ROBO2: variants seen among roughly 807,000 people sequenced by gnomAD.
ROBO2 encodes roundabout homolog 2.
A neutral mutation model predicts 160.8 loss-of-function variants in ROBO2; 53 were observed. The observed-to-expected ratio is 0.33, with a 90% CI of 0.26 to 0.41. ROBO2 has a LOEUF of 0.41. Ranked by LOEUF, ROBO2 falls within the 10% of genes least tolerant of loss-of-function variation. The pLI, the probability that ROBO2 is intolerant of heterozygous loss-of-function variation, is 1.00. For synonymous variants in ROBO2, 664 were observed against 611.7 expected (o/e 1.09, Z -1.26); for missense variants, 1,577 against 1,722.4 (o/e 0.92, Z 1.49).
chr3:77,303,530 T>C (rs1172939726), intron 2 of ROBO2, among the ~76,000 whole-genome samples: 1 of 152,154 alleles, frequency 6.6e-6, no homozygotes, highest in Non-Finnish European at 1.5e-5. Flanking sequence ...TGTGGACTTA[T>C]GAAATAATAT....
intron 2 of ROBO2, among the ~76,000 whole-genome samples, chr3:77,322,639 T>G (rs1434690280): frequency 1.3e-5 from 2 of 150,916 alleles, no homozygotes; most frequent in Admixed American, 6.7e-5. Flanking sequence ...TATCCACACT[T>G]GGTTGGATGG....
At chr3:76,898,972 A>C (rs990149323) in intron 2 of ROBO2, among the ~76,000 whole-genome samples, 1 of 152,170 alleles carries the variant, frequency 6.6e-6, no homozygotes, top group Non-Finnish European at 1.5e-5. Flanking sequence ...TTTATGTGAC[A>C]GTGGAGAAGA....
At chr3:76,987,729 A>AT (rs1232668795) in intron 2 of ROBO2, among the ~76,000 whole-genome samples, 3 of 152,238 alleles carry the variant, frequency 2.0e-5, no homozygotes, top group Non-Finnish European at 4.4e-5. Context: ...GTTCTCATAG[A>AT]TTTTTTGTAC....
chr3:76,634,598 A>G (rs1452752183), intron 2 of ROBO2, among the ~76,000 whole-genome samples: 1 of 150,954 alleles, frequency 6.6e-6, no homozygotes, highest in East Asian at 1.9e-4. Context: ...GACATCAGTC[A>G]GATTGAATTA....
chr3:77,365,766 A>T (rs943482263), intron 2 of ROBO2, among the ~76,000 whole-genome samples: 1 of 152,264 alleles, frequency 6.6e-6, no homozygotes, highest in South Asian at 2.1e-4. Context: ...CTCTCATGGT[A>T]TAGCCCAGAG....
intron 2 of ROBO2, among the ~76,000 whole-genome samples, chr3:76,837,030 A>G (rs1307098099): frequency 2.6e-5 from 4 of 151,970 alleles, no homozygotes; most frequent in Admixed American, 2.0e-4. Context: ...ATTATATATT[A>G]TGTTATATGA....
At chr3:75,964,097 A>G (rs1448777795) in intron 2 of ROBO2, among the ~76,000 whole-genome samples, 2 of 151,780 alleles carry the variant, frequency 1.3e-5, no homozygotes, top group Non-Finnish European at 2.9e-5. Flanking sequence ...CTCAGAAGAG[A>G]TAATTCACTT....
At chr3:76,715,108 A>ATAAT (rs1321384079) in intron 2 of ROBO2, among the ~76,000 whole-genome samples, 1 of 152,172 alleles carries the variant, frequency 6.6e-6, no homozygotes, top group African/African-American at 2.4e-5. Flanking sequence ...TTTCCAAACT[A>ATAAT]TAATTAGACA....
chr3:76,441,261 A>G (rs1399139023), intron 2 of ROBO2, among the ~76,000 whole-genome samples: 1 of 152,220 alleles, frequency 6.6e-6, no homozygotes, highest in African/African-American at 2.4e-5. Flanking sequence ...TAAGAAGCCT[A>G]GAATGTCTGT....
chr3:77,072,302 A>G (rs546431869), intron 1 of ROBO2, among the ~76,000 whole-genome samples: 16 of 152,266 alleles, frequency 1.1e-4, no homozygotes, highest in African/African-American at 3.6e-4. Flanking sequence ...ATTTCATTAT[A>G]TATTACAATG....
chr3:77,384,000 A>G (rs1234876419), intron 2 of ROBO2, among the ~76,000 whole-genome samples: 1 of 152,168 alleles, frequency 6.6e-6, no homozygotes, highest in Non-Finnish European at 1.5e-5. Flanking sequence ...GTACTTTAGA[A>G]AGAGTTTACT....
chr3:76,006,048 C>T (rs1055213989), intron 2 of ROBO2, among the ~76,000 whole-genome samples: 3 of 152,112 alleles, frequency 2.0e-5, no homozygotes, highest in Admixed American at 6.6e-5. Context: ...TTTGGTTGCA[C>T]TCTGATTTTT....
chr3:76,587,321 C>A (rs6774332), intron 2 of ROBO2, among the ~76,000 whole-genome samples: 132,745 of 152,064 alleles, frequency 0.87, 58,284 homozygotes, highest in Middle Eastern at 0.97. Flanking sequence ...CCATGTGGTA[C>A]GTACCTGTAT....
chr3:76,995,251 C>T (rs1322707703), intron 2 of ROBO2, among the ~76,000 whole-genome samples: 1 of 152,112 alleles, frequency 6.6e-6, no homozygotes, highest in Non-Finnish European at 1.5e-5. Flanking sequence ...TTTCCAGCTT[C>T]ATCCATGACC....
intron 2 of ROBO2, among the ~76,000 whole-genome samples, chr3:76,250,765 T>G (rs906826707): frequency 3.3e-5 from 5 of 152,094 alleles, no homozygotes; most frequent in Admixed American, 6.6e-5. Context: ...TTAAAAAGTT[T>G]CTTTTAACTT....
chr3:77,147,804 G>A (rs567768929), intron 2 of ROBO2, among the ~76,000 whole-genome samples: 3 of 152,122 alleles, frequency 2.0e-5, no homozygotes, highest in Admixed American at 1.3e-4. Flanking sequence ...TTTTCAATAC[G>A]TACTCTAACA....
At chr3:77,215,733 G>A (rs1039411712) in intron 2 of ROBO2, among the ~76,000 whole-genome samples, 20 of 152,126 alleles carry the variant, frequency 1.3e-4, no homozygotes, top group African/African-American at 4.8e-4. Flanking sequence ...GGTCTTTGAT[G>A]ATGGTGACGT....
chr3:77,087,588 A>C (rs1205341506), intron 1 of ROBO2, among the ~76,000 whole-genome samples: 1 of 152,162 alleles, frequency 6.6e-6, no homozygotes, highest in East Asian at 1.9e-4. Flanking sequence ...AAAGTAGAAG[A>C]GTAATTTGTT....
chr3:76,960,988 G>A (rs1160393414), intron 2 of ROBO2, among the ~76,000 whole-genome samples: 1 of 152,046 alleles, frequency 6.6e-6, no homozygotes, highest in East Asian at 1.9e-4. Flanking sequence ...ACAGCAATTT[G>A]TGTATCCAGT....
Sources: gnomAD v4.1 joint callset for allele counts (sites outside exome capture counted in the v4.1 genomes callset) on GRCh38, gnomAD v4.1.1 for gene constraint, MANE v1.5 for transcripts, NCBI Gene and HGNC (gene_info 2026-07-23, HGNC 2026-07-21) for gene names.